The following TOM1L2 variants were observed in gnomAD, a reference collection of about 807,000 sequenced individuals.
TOM1L2 encodes target of myb1 like 2 membrane trafficking protein, also known as TOM1-like protein 2.
Under a neutral mutation model 67.9 loss-of-function variants are expected in TOM1L2, and 31 were observed. The ratio of observed to expected loss-of-function variants is 0.46; its 90% CI spans 0.34 to 0.62. The LOEUF is 0.62. Ranked by LOEUF, TOM1L2 falls within the 20% of genes least tolerant of loss-of-function variation. The pLI, the probability that TOM1L2 is intolerant of heterozygous loss-of-function variation, is 0.01. For missense variants in TOM1L2, 606 were observed against 663.5 expected (o/e 0.91, Z 0.95); for synonymous variants, 256 against 254.0 (o/e 1.01, Z -0.07).
At chr17:17,898,074 T>A (rs1384586294) in intron 3 of TOM1L2, among the ~76,000 whole-genome samples, 1 of 152,002 alleles carries the variant, frequency 6.6e-6, no homozygotes, top group Non-Finnish European at 1.5e-5. Flanking sequence ...TACAGGCACC[T>A]GCCACCATGC....
At chr17:17,917,966 C>T (rs2039699378) in intron 1 of TOM1L2, among the ~76,000 whole-genome samples, 1 of 152,114 alleles carries the variant, frequency 6.6e-6, no homozygotes, top group Non-Finnish European at 1.5e-5. Flanking sequence ...AAAAAACTGT[C>T]TTCCCATCTA....
At chr17:17,947,618 A>G (rs1395054007) in intron 1 of TOM1L2, among the ~76,000 whole-genome samples, 1 of 152,186 alleles carries the variant, frequency 6.6e-6, no homozygotes, top group Non-Finnish European at 1.5e-5. Flanking sequence ...CTATGAGAAA[A>G]TAAGTTCGGT....
chr17:17,967,600 T>C (rs2041916985), intron 1 of TOM1L2, among the ~76,000 whole-genome samples: 1 of 152,148 alleles, frequency 6.6e-6, no homozygotes, highest in South Asian at 2.1e-4. Flanking sequence ...TGGCTAGGCT[T>C]TCTCTCTCTT....
chr17:17,954,783 C>T (rs1433302008), intron 1 of TOM1L2, among the ~76,000 whole-genome samples: 1 of 152,164 alleles, frequency 6.6e-6, no homozygotes, highest in Non-Finnish European at 1.5e-5. Context: ...ATGGTCCAGG[C>T]ATGACCAAGG....
chr17:17,872,123 T>A (rs1286611433), intron 7 of TOM1L2: 1 of 843,154 alleles, frequency 1.2e-6, no homozygotes, highest in East Asian at 1.2e-4. Context: ...CCAGTCACAA[T>A]TACTGTACAC....
intron 4 of TOM1L2, 149 bp downstream of exon 4, chr17:17,893,512 A>AT (rs141184752): frequency 6.1e-5 from 48 of 786,132 alleles, no homozygotes; most frequent in Non-Finnish European, 8.2e-5. Context: ...TGGGATGAGA[A>AT]TTTTTTTTGA....
intron 1 of TOM1L2, among the ~76,000 whole-genome samples, chr17:17,909,377 C>T (rs964060744): frequency 6.6e-6 from 1 of 151,672 alleles, no homozygotes; most frequent in African/African-American, 2.4e-5. Flanking sequence ...AATGGATAAG[C>T]CAAATGGATA....
chr17:17,944,290 C>G (rs549455183), intron 1 of TOM1L2, among the ~76,000 whole-genome samples: 53 of 152,354 alleles, frequency 3.5e-4, no homozygotes, highest in African/African-American at 1.2e-3. Flanking sequence ...GGATGCTGAG[C>G]AGAGGGCTCC....
intron 2 of TOM1L2, among the ~76,000 whole-genome samples, chr17:17,901,262 A>G (rs2038840985): frequency 1.3e-5 from 2 of 152,234 alleles, no homozygotes; most frequent in African/African-American, 4.8e-5. Flanking sequence ...CAGATTAGAT[A>G]GTGTGGAGTT....
intron 12 of TOM1L2, among the ~76,000 whole-genome samples, chr17:17,852,797 A>G (rs1440898717): frequency 1.4e-5 from 2 of 148,062 alleles, no homozygotes; most frequent in African/African-American, 5.0e-5. Flanking sequence ...CCTGGGAGGC[A>G]GAGGTTGCAG....
chr17:17,926,863 AAAGG>A (rs770014925), intron 1 of TOM1L2, among the ~76,000 whole-genome samples: 3 of 152,206 alleles, frequency 2.0e-5, no homozygotes, highest in African/African-American at 4.8e-5. Flanking sequence ...GTCTCAAAAA[AAAGG>A]AAGAAAGAAA....
intron 1 of TOM1L2, among the ~76,000 whole-genome samples, chr17:17,957,914 C>T (rs943310695): frequency 5.3e-5 from 8 of 151,570 alleles, no homozygotes; most frequent in Non-Finnish European, 1.0e-4. Context: ...CACGGTGAAA[C>T]CCCGTCTCTA....
intron 1 of TOM1L2, among the ~76,000 whole-genome samples, chr17:17,942,629 T>C (rs1327609391): frequency 6.6e-6 from 1 of 152,200 alleles, no homozygotes; most frequent in African/African-American, 2.4e-5. Context: ...TTTTAAAAAA[T>C]GAGGCTACTT....
intron 1 of TOM1L2, among the ~76,000 whole-genome samples, chr17:17,921,884 C>T (rs1232587577): frequency 6.6e-6 from 1 of 152,080 alleles, no homozygotes; most frequent in East Asian, 1.9e-4. Context: ...CCACCATTCA[C>T]CACCAGCACT....
At chr17:17,931,554 T>A (rs2040335866) in intron 1 of TOM1L2, among the ~76,000 whole-genome samples, 1 of 152,144 alleles carries the variant, frequency 6.6e-6, no homozygotes, top group African/African-American at 2.4e-5. Context: ...TGGGTATCTG[T>A]CTTCTCTCCC....
At chr17:17,877,404 G>T (rs546607117) in intron 7 of TOM1L2, among the ~76,000 whole-genome samples, 2 of 152,080 alleles carry the variant, frequency 1.3e-5, no homozygotes, top group Non-Finnish European at 2.9e-5. Context: ...TCTCTGCCCC[G>T]AGCACTCTGG....
chr17:17,884,698 C>T lies in TOM1L2; in HGVS notation c.437G>A (p.Arg146Lys). Residue 146 changes from arginine (R) to lysine (K), a missense_variant, in exon 5 of 15, where the codon AGG (arginine) becomes AAG (lysine). Around this residue, in one of 2 missense-constraint regions of TOM1L2, gnomAD observed 543 missense variants for 554.0 expected, o/e 0.98. Transcript: ENST00000379504. The part of the protein sequence containing the change: ...GVVHIYEELK[R>K]KGVEFPMADL... ...TGCCATGGGAAATTCAACCCCTTTC[C>T]TCTTCAGCTCCTCATATATGTGCAC... 2 of 1,614,036 alleles carry T rather than the reference C, an allele frequency of 1.2e-6. No homozygotes were observed. Among genetic ancestry groups the T allele is most frequent in the South Asian group, 1.1e-5 (1 of 91,072 alleles).
At chr17:17,856,634 C>A (rs2036265746) in intron 12 of TOM1L2, among the ~76,000 whole-genome samples, 1 of 152,226 alleles carries the variant, frequency 6.6e-6, no homozygotes, top group African/African-American at 2.4e-5. Flanking sequence ...ATTCCTCTCA[C>A]CCCACCCCAC....
intron 1 of TOM1L2, among the ~76,000 whole-genome samples, chr17:17,968,734 A>G (rs1568413114): frequency 6.6e-6 from 1 of 151,464 alleles, no homozygotes; most frequent in East Asian, 1.9e-4. Context: ...CCTGTGCCCA[A>G]ACCCTACTTG....
Sources: gnomAD v4.1 joint callset for allele counts (sites outside exome capture counted in the v4.1 genomes callset) on GRCh38, gnomAD v4.1.1 for gene constraint, gnomAD v4.1.1 regional missense constraint, MANE v1.5 for transcripts, NCBI Gene and HGNC (gene_info 2026-07-23, HGNC 2026-07-21) for gene names.